GARNL3: variants seen among roughly 807,000 people sequenced by gnomAD.
GARNL3 encodes GTPase-activating Rap/Ran-GAP domain-like protein 3.
In GARNL3, 63 loss-of-function variants were observed where a neutral mutation model predicts 125.0. The observed-to-expected ratio is 0.50, with a 90% CI of 0.41 to 0.62. GARNL3 has a LOEUF of 0.62. GARNL3 is among the 20% of genes least tolerant of loss of function. GARNL3 has a pLI of 0.00. For synonymous variants in GARNL3, 439 were observed against 457.5 expected (o/e 0.96, Z 0.52); for missense variants, 994 against 1,244.0 (o/e 0.80, Z 3.02).
At chr9:127,328,463 G>A (rs1426331726) in intron 7 of GARNL3, among the ~76,000 whole-genome samples, 1 of 152,118 alleles carries the variant, frequency 6.6e-6, no homozygotes, top group South Asian at 2.1e-4. Context: ...TGAGGCTCCC[G>A]AAAGGTTAGC....
At chr9:127,238,894 G>A (rs1304101860) in intron 1 of GARNL3, among the ~76,000 whole-genome samples, 2 of 152,104 alleles carry the variant, frequency 1.3e-5, no homozygotes, top group Admixed American at 6.5e-5. Flanking sequence ...CTAATAATGT[G>A]GGTGGAACCA....
At chr9:127,374,721 G>A (rs1831797778) in intron 22 of GARNL3, among the ~76,000 whole-genome samples, 1 of 152,058 alleles carries the variant, frequency 6.6e-6, no homozygotes, top group African/African-American at 2.4e-5. Flanking sequence ...TTTATGGATG[G>A]TAAATAAGCA....
At chr9:127,300,776 A>G in intron 2 of GARNL3, 2 of 374,752 alleles carry the variant, frequency 5.3e-6, no homozygotes, top group South Asian at 2.1e-5. Context: ...AATTTTCTAC[A>G]GTAAGTTTTG....
chr9:127,391,111 C>A (rs543629018), intron 27 of GARNL3, among the ~76,000 whole-genome samples: 1 of 151,988 alleles, frequency 6.6e-6, no homozygotes, highest in South Asian at 2.1e-4. Flanking sequence ...ACGGTGAAAC[C>A]CCATCTCTAC....
At chr9:127,356,836 A>G (rs909143259) in intron 20 of GARNL3, among the ~76,000 whole-genome samples, 2 of 152,246 alleles carry the variant, frequency 1.3e-5, no homozygotes, top group Admixed American at 1.3e-4. Context: ...AGTAGGATTC[A>G]ATGAGAACAG....
intron 27 of GARNL3, among the ~76,000 whole-genome samples, chr9:127,391,684 G>C (rs1832872592): frequency 7.2e-6 from 1 of 138,294 alleles, no homozygotes; most frequent in African/African-American, 2.7e-5. Context: ...CTGGGTAACA[G>C]AGCAAGACCC....
intron 1 of GARNL3, among the ~76,000 whole-genome samples, chr9:127,234,837 A>C (rs1173703222): frequency 6.6e-6 from 1 of 152,188 alleles, no homozygotes; most frequent in Non-Finnish European, 1.5e-5. Flanking sequence ...TGTTATACAG[A>C]CACAAAAGGA....
In GARNL3 at chr9:127,349,033, A is replaced by T; in HGVS notation, c.1541A>T (p.Asp514Val). Residue 514 changes from aspartate to valine, a missense_variant and splice_region_variant, in exon 17 of 28, where the codon GAT becomes GTT. Asp to Val is a radical substitution (Grantham distance 152, BLOSUM62 -3). Around this residue, in one of 5 missense-constraint regions of GARNL3, gnomAD observed 728 missense variants for 865.7 expected, o/e 0.84. Coordinates refer to ENST00000373387, the MANE Select transcript of GARNL3 (RefSeq NM_032293.5). Reference protein sequence around the residue: ...VSTDAGVLLVDDDLPSVPVFD... With the variant: ...VSTDAGVLLVVDDLPSVPVFD... ...ACTGATGCTGGCGTCTTGCTAGTGGATGGTTAGTGAGTAGCTGCTCCTACA... is the reference window on the plus strand; with the variant it reads ...ACTGATGCTGGCGTCTTGCTAGTGGTTGGTTAGTGAGTAGCTGCTCCTACA... 6.2e-7 allele frequency: 1 copy of T among 1,601,838 alleles called. No individual in the cohort carries two copies. The highest frequency in any genetic ancestry group is 8.6e-7 in the Non-Finnish European group (1 of 1,168,756).
At position 127,332,263 on chromosome 9, in the gene GARNL3, A is replaced by G; in HGVS notation, c.595-11A>G. On this transcript the variant is annotated splice_polypyrimidine_tract_variant and intron_variant, in intron 7 of 27. Transcript: ENST00000373387. Reference sequence around the variant, plus strand: ...AAAATTAACTGTAACACCTTTTGTTATTATCCTAAGGGCTCTGTGAATTTC... The same window carrying G: ...AAAATTAACTGTAACACCTTTTGTTGTTATCCTAAGGGCTCTGTGAATTTC... 6.2e-7 allele frequency: 1 copy of G among 1,606,680 alleles called. No individual in the cohort carries two copies. The highest frequency in any genetic ancestry group is 8.5e-7 in the Non-Finnish European group (1 of 1,173,412).
intron 1 of GARNL3, among the ~76,000 whole-genome samples, chr9:127,238,865 C>T (rs1244016314): frequency 6.6e-6 from 1 of 152,280 alleles, no homozygotes; most frequent in East Asian, 1.9e-4. Flanking sequence ...AGAAGCAGCT[C>T]TCCTGGGTCG....
chr9:127,340,772 G>A (rs1829821094), intron 13 of GARNL3, among the ~76,000 whole-genome samples: 1 of 151,716 alleles, frequency 6.6e-6, no homozygotes, highest in Admixed American at 6.6e-5. Context: ...CTCCAGTACT[G>A]GCCCAAGCCA....
At position 127,231,050 on chromosome 9, in the gene GARNL3, A is replaced by ATATATTTT. The variant is rs1161629810; in HGVS notation, c.-29+6713_-29+6714insATATTTTT. ...TGTATATATACATATATATATATAT[A>ATATATTTT]TTTTTTTTTTTTTTTTTTTTTTGAG... On this transcript the variant is annotated intron_variant, in intron 1 of 10. Coordinates refer to the GARNL3 transcript ENST00000439286. Among the ~76,000 whole-genome samples, 78 of 89,548 alleles carry ATATATTTT rather than the reference A, an allele frequency of 8.7e-4. 2 individuals carry two copies. Among genetic ancestry groups the ATATATTTT allele is most frequent in the East Asian group, 7.2e-3 (25 of 3,462 alleles). 58.7% of individuals were successfully genotyped at this position (89,548 alleles called of 152,430 possible).
chr9:127,287,106 TG>T (rs2064272136), intron 1 of GARNL3, among the ~76,000 whole-genome samples: 1 of 152,196 alleles, frequency 6.6e-6, no homozygotes, highest in African/African-American at 2.4e-5. Context: ...AGGTGAGCTT[TG>T]GCCCACCTTC....
At chr9:127,312,981 G>A (rs77225977) in intron 3 of GARNL3, among the ~76,000 whole-genome samples, 3,773 of 152,244 alleles carry the variant, frequency 0.025, 162 homozygotes, top group African/African-American at 0.087. Flanking sequence ...GCAAGCCCCA[G>A]GCTTGGGGGA....
chr9:127,253,942 T>G (rs1463096321), intron 2 of GARNL3, among the ~76,000 whole-genome samples: 1 of 152,150 alleles, frequency 6.6e-6, no homozygotes, highest in Non-Finnish European at 1.5e-5. Context: ...GATAAAAGAT[T>G]AGACACTAGA....
Position 127,357,201 on chromosome 9 carries a change from T to A in GARNL3, c.1936-18T>A. 3 of 1,613,824 alleles carry A rather than the reference T, an allele frequency of 1.9e-6. No individual in the cohort carries two copies. Among genetic ancestry groups the A allele is most frequent in the Non-Finnish European group, 2.5e-6 (3 of 1,179,786 alleles). ...TCTGTTCTCACCCCTGTCTCTTGTATCCTCACCAACCACACAGGAGATCTG... is the reference window on the plus strand; with the variant it reads ...TCTGTTCTCACCCCTGTCTCTTGTAACCTCACCAACCACACAGGAGATCTG... On this transcript the variant is annotated intron_variant, in intron 20 of 27. Coordinates refer to ENST00000373387, the MANE Select transcript of GARNL3 (RefSeq NM_032293.5).
intron 4 of GARNL3, among the ~76,000 whole-genome samples, 196 bp downstream of exon 4, chr9:127,313,755 G>A (rs45448695): frequency 1.0e-4 from 15 of 147,088 alleles, no homozygotes; most frequent in East Asian, 3.9e-4. Context: ...CTGGCCTTTT[G>A]AAAAAAAAAA....
chr9:127,258,453 A>G (rs2063529027), intron 2 of GARNL3, among the ~76,000 whole-genome samples: 1 of 152,144 alleles, frequency 6.6e-6, no homozygotes, highest in Non-Finnish European at 1.5e-5. Flanking sequence ...CAACCAGGAC[A>G]GCATGGCAAA....
intron 2 of GARNL3, among the ~76,000 whole-genome samples, chr9:127,248,757 G>A (rs1464701219): frequency 2.6e-5 from 4 of 151,476 alleles, no homozygotes; most frequent in South Asian, 2.1e-4. Context: ...ACAGGTGTGC[G>A]CCACCATGCC....
Sources: gnomAD v4.1 joint callset for allele counts (sites outside exome capture counted in the v4.1 genomes callset) on GRCh38, gnomAD v4.1.1 for gene constraint, gnomAD v4.1.1 regional missense constraint, MANE v1.5 for transcripts, NCBI Gene and HGNC (gene_info 2026-07-23, HGNC 2026-07-21) for gene names.